LIMA1: variants seen among roughly 807,000 people sequenced by gnomAD.
LIMA1 encodes LIM domain and actin-binding protein 1.
LIMA1 carries 52 observed loss-of-function variants against 62.6 expected under a neutral mutation model. The observed-to-expected ratio is 0.83, with a 90% CI of 0.67 to 1.05. LIMA1 has a LOEUF of 1.05. LIMA1 is among the 50% of genes least tolerant of loss of function. The pLI, the probability that LIMA1 is intolerant of heterozygous loss-of-function variation, is 0.00. For missense variants in LIMA1, 780 were observed against 902.2 expected (o/e 0.86, Z 1.74); for synonymous variants, 302 against 317.8 (o/e 0.95, Z 0.53).
intron 1 of LIMA1, among the ~76,000 whole-genome samples, chr12:50,258,129 T>C (rs1420614566): frequency 1.3e-5 from 2 of 152,124 alleles, no homozygotes; most frequent in African/African-American, 2.4e-5. Flanking sequence ...GCCTCAGCCC[T>C]GGAATCAACT....
intron 1 of LIMA1, chr12:50,249,726 C>G (rs985299815): frequency 6.6e-5 from 10 of 152,050 alleles, no homozygotes; most frequent in African/African-American, 2.4e-4. Context: ...CAACAGTTTC[C>G]TTATTTGAAG....
At chr12:50,178,963 TA>T (rs1273359040) in intron 10 of LIMA1, among the ~76,000 whole-genome samples, 2,003 of 101,014 alleles carry the variant, frequency 0.02, 20 homozygotes, top group Middle Eastern at 0.06. Context: ...TATATATATA[TA>T]TATTTTTTTT....
chr12:50,182,729 G>A (rs557950037), intron 9 of LIMA1, among the ~76,000 whole-genome samples: 32 of 152,326 alleles, frequency 2.1e-4, no homozygotes, highest in African/African-American at 7.5e-4. Flanking sequence ...AATGCAATGG[G>A]AAACACACTG....
intron 1 of LIMA1, among the ~76,000 whole-genome samples, chr12:50,265,578 G>T (rs1592566139): frequency 6.6e-6 from 1 of 152,016 alleles, no homozygotes; most frequent in East Asian, 1.9e-4. Flanking sequence ...TAGTTGAAGA[G>T]AAATTGTTTC....
At chr12:50,261,017 C>T (rs77012479) in intron 1 of LIMA1, among the ~76,000 whole-genome samples, 8 of 77,964 alleles carry the variant, frequency 1.0e-4, no homozygotes, top group Admixed American at 1.5e-4. Context: ...CTTTTTTTGT[C>T]TTTTGCTTTT....
At chr12:50,230,872 C>T (rs1375218588) in intron 3 of LIMA1, among the ~76,000 whole-genome samples, 3 of 152,174 alleles carry the variant, frequency 2.0e-5, no homozygotes, top group South Asian at 2.1e-4. Context: ...CCACCGCACC[C>T]GGCCAGTTTT....
At chr12:50,198,703 CTG>C (rs1487024532) in intron 7 of LIMA1, among the ~76,000 whole-genome samples, 1 of 152,174 alleles carries the variant, frequency 6.6e-6, no homozygotes, top group African/African-American at 2.4e-5. Flanking sequence ...GATTAAATCA[CTG>C]TAATAGATTT....
At chr12:50,193,514 TGATA>T (rs1940831955) in intron 8 of LIMA1, among the ~76,000 whole-genome samples, 1 of 137,848 alleles carries the variant, frequency 7.3e-6, no homozygotes, top group Non-Finnish European at 1.5e-5. Flanking sequence ...TGTGTATATA[TGATA>T]TATATACACA....
intron 2 of LIMA1, among the ~76,000 whole-genome samples, chr12:50,244,106 T>C (rs1370929436): frequency 6.6e-6 from 1 of 150,558 alleles, no homozygotes; most frequent in Non-Finnish European, 1.5e-5. Context: ...TTTGTATTAT[T>C]ATTATTTTTT....
chr12:50,192,318 G>C lies in LIMA1; in HGVS notation c.1140+134C>G, dbSNP rs139190087. On this transcript the variant is annotated intron_variant, in intron 9 of 10. Coordinates refer to ENST00000341247, the MANE Select transcript of LIMA1 (RefSeq NM_016357.5). ...TTTCCAGGGAAAGCGACTGGCTTCA[G>C]TGTGCTCTTCTGTGGCATTATCATC... 1.2e-3 allele frequency: 845 copies of C among 687,966 alleles called. 4 individuals are homozygous for C. In the African/African-American group the frequency reaches 0.014, roughly 11 times the overall value. 42.6% of individuals were successfully genotyped at this position (687,966 alleles called of 1,614,324 possible). A position where few individuals can be genotyped will look rare whatever the true frequency, so the allele number is the denominator to read the frequency against.
intron 4 of LIMA1, among the ~76,000 whole-genome samples, chr12:50,210,587 T>G (rs918267408): frequency 1.3e-5 from 2 of 152,184 alleles, no homozygotes; most frequent in African/African-American, 4.8e-5. Flanking sequence ...GAGCTACACA[T>G]CCTTCTCTGT....
In LIMA1 at chr12:50,235,698, T is replaced by G. The variant is rs1054435049; in HGVS notation, c.120-3988A>C. On this transcript the variant is annotated intron_variant, in intron 2 of 10. Transcript: ENST00000341247. Reference sequence around the variant, plus strand: ...AAGGGCTACCAAAAATTTCTGGCACTTCGTTGACCATAACTAGGAAGAAAG... The same window carrying G: ...AAGGGCTACCAAAAATTTCTGGCACGTCGTTGACCATAACTAGGAAGAAAG... Among the ~76,000 whole-genome samples the G allele has an allele frequency of 3.9e-5, 6 of 152,338 alleles. No individual in the cohort carries two copies. In the East Asian group the frequency reaches 1.2e-3, roughly 29 times the overall value.
intron 5 of LIMA1, 71 bp downstream of exon 5, chr12:50,205,913 C>T (rs529137154): frequency 5.4e-5 from 59 of 1,089,474 alleles, no homozygotes; most frequent in East Asian, 1.3e-4. Context: ...GCATTGGCTT[C>T]GAGTCCAAAA....
chr12:50,200,760 C>A lies in LIMA1; in HGVS notation c.972+17G>T, dbSNP rs979947388. ...ACATGCTTCCTTGGCAACTGGACAT[C>A]AGACTTTTCAACCTACCTTTTCCCC... On this transcript the variant is annotated intron_variant, in intron 7 of 10. Transcript: ENST00000341247. The A allele has an allele frequency of 9.9e-6, 16 of 1,613,506 alleles. No individual in the cohort carries two copies. Among genetic ancestry groups the A allele is most frequent in the Non-Finnish European group, 1.3e-5 (15 of 1,179,632 alleles).
intron 1 of LIMA1, among the ~76,000 whole-genome samples, chr12:50,267,615 G>T (rs932337621): frequency 6.6e-6 from 1 of 151,950 alleles, no homozygotes; most frequent in African/African-American, 2.4e-5. Context: ...CACTTCCTGG[G>T]TTCAAGCAAT....
chr12:50,266,675 C>G (rs898501105), intron 1 of LIMA1, among the ~76,000 whole-genome samples: 5 of 152,150 alleles, frequency 3.3e-5, no homozygotes, highest in African/African-American at 4.8e-5. Context: ...AAGGCCTATG[C>G]ATTAAATTTT....
At chr12:50,250,227 T>G (rs1295917526) in intron 1 of LIMA1, among the ~76,000 whole-genome samples, 2 of 139,654 alleles carry the variant, frequency 1.4e-5, no homozygotes, top group African/African-American at 5.4e-5. Context: ...GAGGCAGAGG[T>G]TGCAGGGAAC....
At chr12:50,234,953 G>A (rs929948580) in intron 2 of LIMA1, among the ~76,000 whole-genome samples, 2 of 152,120 alleles carry the variant, frequency 1.3e-5, no homozygotes, top group African/African-American at 2.4e-5. Flanking sequence ...TGAGGCTGCA[G>A]CGAGCTACGA....
chr12:50,194,078 C>G (rs907261582), intron 8 of LIMA1, among the ~76,000 whole-genome samples: 8 of 151,352 alleles, frequency 5.3e-5, no homozygotes, highest in Non-Finnish European at 1.2e-4. Flanking sequence ...GCCTCCACCT[C>G]CTGGGTTCAA....
Sources: gnomAD v4.1 joint callset for allele counts (sites outside exome capture counted in the v4.1 genomes callset) on GRCh38, gnomAD v4.1.1 for gene constraint, MANE v1.5 for transcripts, NCBI Gene and HGNC (gene_info 2026-07-23, HGNC 2026-07-21) for gene names.